The following CRPPA variants were observed in gnomAD, a reference collection of about 807,000 sequenced individuals.
CRPPA encodes CDP-L-ribitol pyrophosphorylase A.
Under a neutral mutation model 52.0 loss-of-function variants are expected in CRPPA, and 43 were observed. That is an observed-to-expected ratio of 0.83 (90% CI 0.65 to 1.07). CRPPA has a LOEUF of 1.07. Among genes scored for constraint, CRPPA ranks in the 50% least tolerant of loss-of-function variants. The probability of loss-of-function intolerance (pLI) is 0.00; values close to 1 mark genes in which losing one functional copy is unlikely to be tolerated. For synonymous variants in CRPPA, 250 were observed against 203.5 expected, an observed-to-expected ratio of 1.23 and a Z score of -1.94; for missense variants, 629 against 551.7, an observed-to-expected ratio of 1.14 and a Z score of -1.40.
At chr7:16,184,268 T>C (rs931703700) in intron 9 of CRPPA, among the ~76,000 whole-genome samples, 11 of 152,102 alleles carry the variant, frequency 7.2e-5, no homozygotes, top group Admixed American at 3.9e-4. Flanking sequence ...AGTATGAAAA[T>C]GGACTACTAC....
At chr7:16,144,204 C>A (rs1782927380) in intron 9 of CRPPA, among the ~76,000 whole-genome samples, 2 of 152,288 alleles carry the variant, frequency 1.3e-5, no homozygotes, top group South Asian at 4.2e-4. Context: ...CACTCCTCCC[C>A]AGTCCTGCCA....
At chr7:16,206,297 C>A (rs1781972330) in intron 9 of CRPPA, among the ~76,000 whole-genome samples, 1 of 151,962 alleles carries the variant, frequency 6.6e-6, no homozygotes, top group East Asian at 1.9e-4. Flanking sequence ...GTTTAGTGGT[C>A]CATATTTTAA....
chr7:16,282,046 T>C (rs1784331738), intron 5 of CRPPA, among the ~76,000 whole-genome samples: 1 of 152,154 alleles, frequency 6.6e-6, no homozygotes, highest in African/African-American at 2.4e-5. Flanking sequence ...TTCTAGTTTA[T>C]GAGTTCTTAA....
chr7:16,173,647 T>C (rs949441475), intron 9 of CRPPA, among the ~76,000 whole-genome samples: 3 of 152,134 alleles, frequency 2.0e-5, no homozygotes, highest in African/African-American at 4.8e-5. Context: ...TATATATTTA[T>C]AGAATATGAT....
intron 4 of CRPPA, among the ~76,000 whole-genome samples, chr7:16,303,393 C>T (rs11978075): frequency 0.027 from 3,962 of 145,072 alleles, 199 homozygotes; most frequent in African/African-American, 0.095. Flanking sequence ...TTCATAGGCA[C>T]GGTAAGGTAA....
chr7:16,119,517 A>C (rs942449154), intron 9 of CRPPA, among the ~76,000 whole-genome samples: 1 of 152,236 alleles, frequency 6.6e-6, no homozygotes, highest in African/African-American at 2.4e-5. Flanking sequence ...ATGTAAACAG[A>C]CAAAACTTGA....
At chr7:16,369,519 A>G (rs1029445306) in intron 3 of CRPPA, among the ~76,000 whole-genome samples, 1 of 152,194 alleles carries the variant, frequency 6.6e-6, no homozygotes, top group Non-Finnish European at 1.5e-5. Context: ...TACTGAGTAT[A>G]AAACAGTATA....
intron 3 of CRPPA, among the ~76,000 whole-genome samples, chr7:16,332,663 A>G (rs943457348): frequency 2.0e-5 from 3 of 152,100 alleles, no homozygotes; most frequent in Admixed American, 2.0e-4. Context: ...ACTGAGAGAG[A>G]AAGAAGAAAA....
At chr7:16,185,993 A>T (rs1470105558) in intron 9 of CRPPA, among the ~76,000 whole-genome samples, 2 of 152,212 alleles carry the variant, frequency 1.3e-5, no homozygotes, top group African/African-American at 2.4e-5. Flanking sequence ...ATAGACCATA[A>T]TATAGTTTAT....
chr7:16,092,248 A>C (rs1781852961), intron 9 of CRPPA, among the ~76,000 whole-genome samples: 1 of 152,178 alleles, frequency 6.6e-6, no homozygotes, highest in African/African-American at 2.4e-5. Context: ...GAATCGGGAA[A>C]ATTCAAGAAA....
chr7:16,403,142 A>G (rs750594846), intron 2 of CRPPA, among the ~76,000 whole-genome samples: 147 of 147,076 alleles, frequency 1.0e-3, no homozygotes, highest in South Asian at 3.3e-3. Flanking sequence ...TGAGGGGGGG[A>G]AAAAAACAGT....
intron 8 of CRPPA, among the ~76,000 whole-genome samples, chr7:16,222,368 G>A (rs1205685168): frequency 1.0e-4 from 15 of 147,044 alleles, no homozygotes; most frequent in African/African-American, 2.5e-4. Flanking sequence ...TGGGTGCAGC[G>A]CACCAGCATG....
intron 3 of CRPPA, among the ~76,000 whole-genome samples, chr7:16,356,305 A>G (rs922145942): frequency 1.3e-5 from 2 of 152,158 alleles, no homozygotes; most frequent in African/African-American, 4.8e-5. Context: ...AAATACCACA[A>G]CTCAGAAATA....
chr7:16,314,129 C>T (rs1213698336), intron 3 of CRPPA, among the ~76,000 whole-genome samples: 2 of 151,592 alleles, frequency 1.3e-5, no homozygotes, highest in East Asian at 3.9e-4. Context: ...AATGGATTTA[C>T]CTATCTCTTC....
intron 1 of CRPPA, among the ~76,000 whole-genome samples, chr7:16,420,533 C>T (rs1415018174): frequency 1.3e-5 from 2 of 152,150 alleles, no homozygotes; most frequent in East Asian, 1.9e-4. Flanking sequence ...GCTTAAAGCC[C>T]TTTCCACCAT....
intron 3 of CRPPA, among the ~76,000 whole-genome samples, chr7:16,366,299 G>A (rs1027102725): frequency 5.3e-5 from 8 of 152,094 alleles, no homozygotes; most frequent in Non-Finnish European, 5.9e-5. Context: ...AAACACAGAC[G>A]TTCAGACCAT....
chr7:16,160,063 T>A lies in CRPPA; in HGVS notation c.1251+56003A>T, dbSNP rs1340685051. On this transcript the variant is annotated intron_variant, in intron 9 of 9. Coordinates refer to ENST00000407010, the MANE Select transcript of CRPPA (RefSeq NM_001101426.4). ...TTAAGTTCTTTGTAGATTCTGGATATTAGCGCTTTGTCAGATGGATAGATT... is the reference window on the plus strand; with the variant it reads ...TTAAGTTCTTTGTAGATTCTGGATAATAGCGCTTTGTCAGATGGATAGATT... Among the ~76,000 whole-genome samples, 4 of 152,210 alleles carry A rather than the reference T, an allele frequency of 2.6e-5. No individual in the cohort carries two copies. The East Asian group carries it at 7.7e-4, about 29-fold the overall frequency.
At chr7:16,180,240 C>A (rs1262768521) in intron 9 of CRPPA, among the ~76,000 whole-genome samples, 1 of 151,886 alleles carries the variant, frequency 6.6e-6, no homozygotes, top group Non-Finnish European at 1.5e-5. Context: ...GTGGTGGGAC[C>A]CAGGCATCAG....
chr7:16,278,833 G>A (rs1784262482), intron 5 of CRPPA, among the ~76,000 whole-genome samples: 1 of 152,194 alleles, frequency 6.6e-6, no homozygotes, highest in Non-Finnish European at 1.5e-5. Context: ...CACAGTGATA[G>A]TCACCTCTGG....
Sources: allele counts gnomAD v4.1 joint callset (sites outside exome capture counted in the v4.1 genomes callset), GRCh38; gene constraint gnomAD v4.1.1; transcripts MANE v1.5; gene names NCBI Gene and HGNC (gene_info 2026-07-23, HGNC 2026-07-21).